XPO5: variants seen among roughly 807,000 people sequenced by gnomAD.
XPO5 encodes the protein exportin-5.
In XPO5, 46 loss-of-function variants were observed where a neutral mutation model predicts 160.6. The observed-to-expected ratio is 0.29, with a 90% CI of 0.23 to 0.37. The LOEUF is 0.37. XPO5 is among the 10% of genes least tolerant of loss of function. The pLI is 1.00. For synonymous variants in XPO5, 537 were observed against 519.3 expected (o/e 1.03, Z -0.46); for missense variants, 1,090 against 1,463.9 (o/e 0.74, Z 4.17).
chr6:43,525,702 G>A, intron 28 of XPO5, 137 bp downstream of exon 28: 1 of 903,440 alleles, frequency 1.1e-6, no homozygotes, highest in Non-Finnish European at 1.6e-6. Flanking sequence ...GGTTTTTTCT[G>A]GGGCCTTTGG....
rs1434773636 is a variant in XPO5 at position 43,524,864 on chromosome 6, C to T, written c.3279G>A (p.Leu1093=). ...CGTATATCTGGAAGGCCAGATGGAC[C>T]AGGGAAGCCATGCACCCGTCGTGCT... ...HGQHDGCMAS[L]VHLAFQIYEA... is the part of the protein sequence containing the mutation. The change falls in exon 30 of 32, where the codon CTG becomes CTA. Residue 1093 remains leucine (L), a synonymous_variant. Coordinates refer to ENST00000265351, the MANE Select transcript of XPO5 (RefSeq NM_020750.3). The T allele has an allele frequency of 6.2e-7, 1 of 1,613,886 alleles. No individual in the cohort carries two copies. Among genetic ancestry groups the T allele is most frequent in the Non-Finnish European group, 8.5e-7 (1 of 1,179,888 alleles).
rs749760225 is a variant in XPO5, at chr6:43,525,205, T to C, written c.3076A>G (p.Thr1026Ala). ...TTGAAGGCTGTAATTAATAGCGCTG[T>C]ACAAACATCCTGAACAGGAAAAGAT... The part of the protein sequence containing the change: ...KCLMKHEDVC[T>A]ALLITAFNSL... The change falls in exon 29 of 32, where the codon ACA (threonine) becomes GCA (alanine). Residue 1026 changes from threonine (T) to alanine (A), a missense_variant. Around this residue, in one of 3 missense-constraint regions of XPO5, gnomAD observed 810 missense variants for 1,139.0 expected, o/e 0.71. Coordinates refer to ENST00000265351, the MANE Select transcript of XPO5 (RefSeq NM_020750.3). The C allele has an allele frequency of 1.2e-5, 19 of 1,575,682 alleles. No individual in the cohort carries two copies. The highest frequency in any genetic ancestry group is 1.6e-5 in the Non-Finnish European group (19 of 1,159,758).
Position 43,575,901 on chromosome 6 carries a change from G to T in XPO5, c.-37C>A. 1 of 1,598,228 alleles carries T rather than the reference G, an allele frequency of 6.3e-7. No homozygotes were observed. Among genetic ancestry groups the T allele is most frequent in the Non-Finnish European group, 8.6e-7 (1 of 1,168,632 alleles). ...CGCGCCGAGAGCGCACACCACTGCA[G>T]TCCCGGGACCACGAGGCACGACAGC... is the stretch of plus-strand genomic sequence containing the variant. On this transcript the variant is annotated 5_prime_UTR_variant, in exon 1 of 32. It adds an upstream start codon to the 5' untranslated region. Transcript: ENST00000265351.
intron 11 of XPO5, chr6:43,559,185 T>G (rs1762272531): frequency 6.6e-6 from 1 of 152,494 alleles, no homozygotes; most frequent in African/African-American, 2.4e-5. Flanking sequence ...TAGTCCCAGC[T>G]ACTTGGGAGG....
At chr6:43,528,953 T>C (rs777256955) in intron 23 of XPO5, 28 bp from the exon 24 acceptor site, 3 of 1,597,584 alleles carry the variant, frequency 1.9e-6, no homozygotes, top group South Asian at 1.1e-5. Context: ...GAAATTTTAG[T>C]GCATAGGCAC....
Position 43,562,307 on chromosome 6 carries a change from G to T in XPO5, c.951C>A (p.Val317=). Residue 317 remains valine, a synonymous_variant, in exon 9 of 32, where the codon GTC becomes GTA. Transcript: ENST00000265351. The part of the protein sequence containing the change: ...DGGGLVEKHY[V]FLKRLCQVLC... ...ACACCTGACAGAGCCTCTTCAGAAA[G>T]ACGTAGTGTTTTTCTACCAAACCTC... The T allele has an allele frequency of 6.2e-7, 1 of 1,609,864 alleles. No individual in the cohort carries two copies. Among genetic ancestry groups the T allele is most frequent in the Non-Finnish European group, 8.5e-7 (1 of 1,178,282 alleles).
chr6:43,527,414 G>A, intron 26 of XPO5: 1 of 429,060 alleles, frequency 2.3e-6, no homozygotes, highest in Non-Finnish European at 4.3e-6. Context: ...TGGGACTACA[G>A]GCCTGCGCGC....
chr6:43,531,344 C>T (rs1793962622), intron 22 of XPO5, 135 bp downstream of exon 22: 1 of 772,046 alleles, frequency 1.3e-6, no homozygotes, highest in South Asian at 1.8e-5. Context: ...TTCTATTTAA[C>T]ACTAGAATGA....
chr6:43,560,851 A>T, intron 10 of XPO5, 73 bp downstream of exon 10: 2 of 1,215,872 alleles, frequency 1.6e-6, no homozygotes, highest in Middle Eastern at 1.9e-4. Context: ...ATCTACAATA[A>T]TATTTCAGGA....
At chr6:43,543,861 G>C (rs1382145789) in intron 20 of XPO5, among the ~76,000 whole-genome samples, 1 of 152,022 alleles carries the variant, frequency 6.6e-6, no homozygotes, top group Non-Finnish European at 1.5e-5. Context: ...ATTTTTAGTA[G>C]AGGTGGGGTT....
At chr6:43,567,052 T>C in intron 7 of XPO5, 117 bp downstream of exon 7, 1 of 1,089,140 alleles carries the variant, frequency 9.2e-7, no homozygotes, top group Non-Finnish European at 1.3e-6. Flanking sequence ...GGCAGTAAGT[T>C]GGCCCCAAGG....
chr6:43,564,279 C>T (rs1762575887), intron 8 of XPO5, among the ~76,000 whole-genome samples: 1 of 152,184 alleles, frequency 6.6e-6, no homozygotes, highest in South Asian at 2.1e-4. Flanking sequence ...CCTATAATCC[C>T]AGTACTTTGG....
chr6:43,565,402 AC>A (rs1180995491), intron 8 of XPO5, among the ~76,000 whole-genome samples: 1 of 151,880 alleles, frequency 6.6e-6, no homozygotes, highest in East Asian at 2.0e-4. Context: ...CCCTGTCTCT[AC>A]TAAAAATAGA....
intron 18 of XPO5, among the ~76,000 whole-genome samples, 154 bp from the exon 19 acceptor site, chr6:43,547,861 A>T (rs999062075): frequency 6.6e-6 from 1 of 152,234 alleles, no homozygotes; most frequent in Admixed American, 6.5e-5. Flanking sequence ...TGTCATTTGA[A>T]GGTTTAAATT....
At chr6:43,546,790 GAA>G (rs374970458) in intron 19 of XPO5, 38 bp from the exon 20 acceptor site, 1,984 of 1,151,364 alleles carry the variant, frequency 1.7e-3, no homozygotes, top group South Asian at 3.9e-3. Flanking sequence ...ATATTAAAAG[GAA>G]AAAAAAAAAA....
Position 43,535,945 on chromosome 6 carries a change from A to G in XPO5, c.2343-1938T>C, listed in dbSNP as rs534020378. On this transcript the variant is annotated intron_variant, in intron 20 of 31. Coordinates refer to ENST00000265351, the MANE Select transcript of XPO5 (RefSeq NM_020750.3). ...CAAGACCAGCCTGGCCAACATGGTGAAACCCTGTCTCTACTAAAAATATAA... is the reference window on the plus strand; with the variant it reads ...CAAGACCAGCCTGGCCAACATGGTGGAACCCTGTCTCTACTAAAAATATAA... Among the ~76,000 whole-genome samples, 154 of 152,200 alleles carry G rather than the reference A, an allele frequency of 1.0e-3. 2 individuals are homozygous for G. In the East Asian group the frequency reaches 0.028, roughly 28 times the overall value.
chr6:43,534,610 C>T (rs907801415), intron 20 of XPO5, among the ~76,000 whole-genome samples: 6 of 152,226 alleles, frequency 3.9e-5, no homozygotes, highest in Admixed American at 1.3e-4. Flanking sequence ...AATGACCCCA[C>T]TGAACAAACT....
At position 43,558,525 on chromosome 6, in the gene XPO5, C is replaced by G; in HGVS notation, c.1288G>C (p.Glu430Gln). Residue 430 changes from glutamate to glutamine, a missense_variant, in exon 12 of 32, where the codon GAG (glutamate) becomes CAG (glutamine). Glu to Gln is a conservative substitution (Grantham distance 29, BLOSUM62 2). Transcript: ENST00000265351. ...CAGTTGAAGAAAGCATTGAAGTCCT[C>G]ATCGCTATCAAAATCAAACCGAGAA... ...EYSRFDFDSD[E>Q]DFNAFFNSSR... is the part of the protein sequence containing the mutation. 2 of 1,604,006 alleles carry G rather than the reference C, an allele frequency of 1.2e-6. No individual in the cohort carries two copies. Among genetic ancestry groups the G allele is most frequent in the Non-Finnish European group, 1.7e-6 (2 of 1,175,564 alleles).
chr6:43,543,924 G>A (rs75883086), intron 20 of XPO5, among the ~76,000 whole-genome samples: 5,541 of 152,154 alleles, frequency 0.036, 350 homozygotes, highest in African/African-American at 0.13. Context: ...TGATCCATGC[G>A]CCTTGGCCTC....
Sources: gnomAD v4.1 joint callset for allele counts (sites outside exome capture counted in the v4.1 genomes callset) on GRCh38, gnomAD v4.1.1 for gene constraint, gnomAD v4.1.1 regional missense constraint, MANE v1.5 for transcripts, NCBI Gene and HGNC (gene_info 2026-07-23, HGNC 2026-07-21) for gene names.